The following BICRAL variants were observed in gnomAD, a reference collection of about 807,000 sequenced individuals.
The protein encoded by BICRAL is BICRA like chromatin remodeling complex associated protein.
A neutral mutation model predicts 91.8 loss-of-function variants in BICRAL; 8 were observed. The observed-to-expected ratio is 0.09, with a 90% CI of 0.05 to 0.16. BICRAL has a LOEUF of 0.16. BICRAL is among the 10% of genes least tolerant of loss of function. The pLI, the probability that BICRAL is intolerant of heterozygous loss-of-function variation, is 1.00. For missense variants in BICRAL, 1,038 were observed against 1,310.9 expected (o/e 0.79, Z 3.21); for synonymous variants, 445 against 491.1 (o/e 0.91, Z 1.24).
At chr6:42,809,111 C>G (rs530161890) in intron 1 of BICRAL, among the ~76,000 whole-genome samples, 148 of 151,754 alleles carry the variant, frequency 9.8e-4, no homozygotes, top group East Asian at 2.3e-3. Context: ...GGCACCCCCC[C>G]CAACAGGCCC....
chr6:42,789,639 CAAAAA>C (rs11334649), intron 1 of BICRAL, among the ~76,000 whole-genome samples: 6 of 110,026 alleles, frequency 5.5e-5, no homozygotes, highest in Non-Finnish European at 9.9e-5. Flanking sequence ...TAGACTGTCT[CAAAAA>C]AAAAAAAAAA....
chr6:42,833,141 C>T (rs371397459), intron 6 of BICRAL, among the ~76,000 whole-genome samples: 459 of 151,664 alleles, frequency 3.0e-3, no homozygotes, highest in African/African-American at 0.01. Flanking sequence ...CTGCAAGCTC[C>T]GCCTCCCGGG....
rs142103949 is a variant in BICRAL, at chr6:42,798,771, G to A, written c.-101-11535G>A. Among the ~76,000 whole-genome samples, 1,036 of 152,294 alleles carry A rather than the reference G, an allele frequency of 6.8e-3. 18 individuals carry two copies. Among genetic ancestry groups the A allele is most frequent in the African/African-American group, 0.024 (991 of 41,568 alleles). ...TCCCATATACTTTAAATCATCTCTA[G>A]ATTTGTTTTAATTTTTATTTTTTAT... is the stretch of plus-strand genomic sequence containing the variant. On this transcript the variant is annotated intron_variant, in intron 1 of 12. Transcript: ENST00000314073.
chr6:42,752,197 C>T (rs553168755), intron 1 of BICRAL, among the ~76,000 whole-genome samples: 1 of 152,290 alleles, frequency 6.6e-6, no homozygotes, highest in African/African-American at 2.4e-5. Context: ...TTTCCTTCTG[C>T]CTTTGCCCCT....
At chr6:42,861,776 A>G (rs1765563770) in intron 11 of BICRAL, among the ~76,000 whole-genome samples, 1 of 152,110 alleles carries the variant, frequency 6.6e-6, no homozygotes, top group Admixed American at 6.6e-5. Flanking sequence ...AGGTGGGTGG[A>G]TCACCTGAGG....
intron 1 of BICRAL, among the ~76,000 whole-genome samples, chr6:42,799,537 A>G (rs1289038711): frequency 6.6e-6 from 1 of 151,106 alleles, no homozygotes; most frequent in African/African-American, 2.4e-5. Flanking sequence ...CTTGTGATCC[A>G]TGAGCCTCAG....
At chr6:42,799,584 G>GCACC (rs1330050918) in intron 1 of BICRAL, among the ~76,000 whole-genome samples, 3 of 152,108 alleles carry the variant, frequency 2.0e-5, no homozygotes, top group African/African-American at 7.2e-5. Context: ...GTGAGCCACT[G>GCACC]CACCCAGCCC....
In BICRAL at chr6:42,828,494, A is replaced by G. The variant is rs753001224; in HGVS notation, c.161A>G (p.Asn54Ser). 34 of 1,604,520 alleles carry G rather than the reference A, an allele frequency of 2.1e-5. No individual in the cohort carries two copies. The Middle Eastern group carries it at 1.0e-3, about 47-fold the overall frequency. Residue 54 changes from asparagine (N) to serine (S), a missense_variant and splice_region_variant, in exon 6 of 13, where the codon AAT becomes AGT. Transcript: ENST00000314073. Reference sequence around the variant, plus strand: ...GTAACATACTGTTTATTTTTTTAGAATGCTGATCCTAAGTCATCCCTCAAA... The same window carrying G: ...GTAACATACTGTTTATTTTTTTAGAGTGCTGATCCTAAGTCATCCCTCAAA... ...NSNSIFANSS[N>S]ADPKSSLKGV...
intron 1 of BICRAL, among the ~76,000 whole-genome samples, chr6:42,772,574 A>C (rs925569747): frequency 1.3e-5 from 2 of 152,216 alleles, no homozygotes; most frequent in African/African-American, 4.8e-5. Context: ...TTGAAAGTAC[A>C]TATACCACTT....
At chr6:42,748,103 C>T (rs1198607764) in intron 1 of BICRAL, among the ~76,000 whole-genome samples, 3 of 134,448 alleles carry the variant, frequency 2.2e-5, no homozygotes, top group Non-Finnish European at 5.0e-5. Flanking sequence ...TGTGCCTGGC[C>T]CTTTTTTTTT....
chr6:42,782,831 G>C (rs1456423085), intron 1 of BICRAL, among the ~76,000 whole-genome samples: 1 of 152,140 alleles, frequency 6.6e-6, no homozygotes, highest in African/African-American at 2.4e-5. Flanking sequence ...GGAGGGCCTG[G>C]AGTGACGGCG....
chr6:42,852,404 G>A, intron 7 of BICRAL: 5 of 662,036 alleles, frequency 7.6e-6, no homozygotes, highest in South Asian at 7.5e-5. Flanking sequence ...GCTCACGCCT[G>A]TAATGCCAGC....
In BICRAL at chr6:42,828,413, A is replaced by G. The variant is rs941111518; in HGVS notation, c.160-80A>G. 26 of 1,343,076 alleles carry G rather than the reference A, an allele frequency of 1.9e-5. No homozygotes were observed. The African/African-American group carries it at 3.5e-4, about 18-fold the overall frequency. 83.2% of individuals were successfully genotyped at this position (1,343,076 alleles called of 1,614,324 possible). On this transcript the variant is annotated intron_variant, in intron 5 of 12. Transcript: ENST00000314073. ...GAGACTCCATCTCAAAAAAAAAAAA[A>G]AAAGTAAAAGTAAGATTAATTTTTA...
intron 6 of BICRAL, among the ~76,000 whole-genome samples, chr6:42,848,731 C>T (rs1765094048): frequency 6.6e-6 from 1 of 151,974 alleles, no homozygotes; most frequent in Admixed American, 6.6e-5. Context: ...GTAGTCCCGG[C>T]TACTCGGGCT....
chr6:42,752,533 A>T (rs1198170916), intron 1 of BICRAL, among the ~76,000 whole-genome samples: 1 of 152,102 alleles, frequency 6.6e-6, no homozygotes, highest in African/African-American at 2.4e-5. Flanking sequence ...TGCAGCCTCA[A>T]ACTCCTGGGC....
chr6:42,836,990 G>A (rs1319987030), intron 6 of BICRAL, among the ~76,000 whole-genome samples: 1 of 151,354 alleles, frequency 6.6e-6, no homozygotes, highest in African/African-American at 2.4e-5. Context: ...TACCGCCCAG[G>A]CTGGAGTGCA....
intron 1 of BICRAL, among the ~76,000 whole-genome samples, chr6:42,753,146 C>T (rs1304156331): frequency 6.6e-6 from 1 of 151,704 alleles, no homozygotes; most frequent in Non-Finnish European, 1.5e-5. Context: ...AGGCTGGTCT[C>T]GAACTCCTGA....
intron 6 of BICRAL, among the ~76,000 whole-genome samples, chr6:42,837,835 C>T (rs1003579693): frequency 1.2e-4 from 19 of 152,124 alleles, no homozygotes; most frequent in African/African-American, 4.6e-4. Context: ...GTTGCCCACC[C>T]ACCCAGTTGC....
intron 2 of BICRAL, among the ~76,000 whole-genome samples, chr6:42,817,632 A>T (rs1029160168): frequency 6.6e-6 from 1 of 152,066 alleles, no homozygotes; most frequent in Non-Finnish European, 1.5e-5. Context: ...GGTGTGCATC[A>T]GCACACTCAA....
Sources: gnomAD v4.1 joint callset for allele counts (sites outside exome capture counted in the v4.1 genomes callset) on GRCh38, gnomAD v4.1.1 for gene constraint, MANE v1.5 for transcripts, NCBI Gene and HGNC (gene_info 2026-07-23, HGNC 2026-07-21) for gene names.